The following GLI3 variants were observed in gnomAD, a reference collection of about 807,000 sequenced individuals.
GLI3 encodes transcription activator GLI3.
GLI3 carries 20 observed loss-of-function variants against 100.8 expected under a neutral mutation model. The observed-to-expected ratio is 0.20, with a 90% CI of 0.14 to 0.29. GLI3 has a LOEUF of 0.29. GLI3 is among the 10% of genes least tolerant of loss of function. The probability of loss-of-function intolerance (pLI) is 1.00; values close to 1 mark genes in which losing one functional copy is unlikely to be tolerated. For missense variants in GLI3, 2,040 were observed against 2,128.5 expected (o/e 0.96, Z 0.82); for synonymous variants, 938 against 860.5 (o/e 1.09, Z -1.58).
chr7:42,091,084 A>G (rs1785207798), intron 3 of GLI3, among the ~76,000 whole-genome samples: 1 of 152,192 alleles, frequency 6.6e-6, no homozygotes, highest in Non-Finnish European at 1.5e-5. Flanking sequence ...GCATGGTTTA[A>G]TGTTACGCGC....
Position 42,011,473 on chromosome 7 carries a change from G to A in GLI3, c.1497+11995C>T, listed in dbSNP as rs1012141816. The stretch of plus-strand genomic sequence containing the variant: ...ATGAACTTGTAAATGAATGTTCATA[G>A]TAACACAATAGCCAGAAAGTAGAAA... On this transcript the variant is annotated intron_variant, in intron 10 of 14. Coordinates refer to ENST00000395925, the MANE Select transcript of GLI3 (RefSeq NM_000168.6). 5.3e-5 allele frequency among the ~76,000 whole-genome samples: 8 copies of A among 152,316 alleles called. No homozygotes were observed. In the East Asian group the frequency reaches 1.5e-3, roughly 29 times the overall value.
intron 1 of GLI3, among the ~76,000 whole-genome samples, chr7:42,253,847 T>C (rs1458623931): frequency 6.6e-6 from 1 of 152,182 alleles, no homozygotes. Flanking sequence ...ACAGGTTTAA[T>C]TGTTGAGATC....
chr7:42,248,339 A>G (rs2128710009), intron 1 of GLI3, among the ~76,000 whole-genome samples: 1 of 152,248 alleles, frequency 6.6e-6, no homozygotes, highest in East Asian at 1.9e-4. Flanking sequence ...ATAAATCATA[A>G]ATATGGCCAC....
intron 1 of GLI3, among the ~76,000 whole-genome samples, chr7:42,251,844 A>G (rs1789036215): frequency 6.6e-6 from 1 of 152,082 alleles, no homozygotes; most frequent in Non-Finnish European, 1.5e-5. Flanking sequence ...ACACAGAGAA[A>G]ACAGCAGGAG....
chr7:42,251,104 A>C (rs1186599701), intron 1 of GLI3, among the ~76,000 whole-genome samples: 1 of 152,146 alleles, frequency 6.6e-6, no homozygotes, highest in Non-Finnish European at 1.5e-5. Flanking sequence ...AACAAAAGTG[A>C]CCATGCCCTT....
intron 8 of GLI3, among the ~76,000 whole-genome samples, chr7:42,025,827 C>T (rs1264155055): frequency 2.0e-5 from 3 of 152,220 alleles, no homozygotes; most frequent in African/African-American, 7.2e-5. Flanking sequence ...TAAAGTACCA[C>T]CTGGTGGTAA....
chr7:42,129,626 T>G (rs949455427), intron 3 of GLI3, among the ~76,000 whole-genome samples: 5 of 151,964 alleles, frequency 3.3e-5, no homozygotes, highest in Admixed American at 3.3e-4. Context: ...CTGGCCAAGA[T>G]GGTGAAACCC....
intron 3 of GLI3, among the ~76,000 whole-genome samples, chr7:42,084,296 T>C (rs1785056351): frequency 6.6e-6 from 1 of 152,252 alleles, no homozygotes; most frequent in Non-Finnish European, 1.5e-5. Flanking sequence ...CAAATGTTCC[T>C]CTGCAAGTGA....
At chr7:42,144,363 G>A (rs1309837948) in intron 3 of GLI3, among the ~76,000 whole-genome samples, 1 of 152,094 alleles carries the variant, frequency 6.6e-6, no homozygotes, top group African/African-American at 2.4e-5. Flanking sequence ...CTGAAAGCCT[G>A]TCAACACCAC....
intron 10 of GLI3, among the ~76,000 whole-genome samples, chr7:41,990,970 G>A (rs896243603): frequency 6.6e-6 from 1 of 151,974 alleles, no homozygotes; most frequent in East Asian, 1.9e-4. Flanking sequence ...AGAAAGGAAG[G>A]AGGCAGGCAA....
chr7:42,155,221 C>T (rs1382818737), intron 2 of GLI3, among the ~76,000 whole-genome samples: 1 of 151,982 alleles, frequency 6.6e-6, no homozygotes, highest in Non-Finnish European at 1.5e-5. Context: ...GGGCAGATAA[C>T]CCAAAGTCAG....
chr7:42,091,703 A>C (rs2108165), intron 3 of GLI3, among the ~76,000 whole-genome samples: 5,991 of 152,326 alleles, frequency 0.039, 365 homozygotes, highest in African/African-American at 0.14. Flanking sequence ...TTCCCAGGCC[A>C]GCCAGGACTA....
chr7:42,243,803 A>G (rs1398335509), intron 1 of GLI3, among the ~76,000 whole-genome samples: 1 of 152,068 alleles, frequency 6.6e-6, no homozygotes, highest in African/African-American at 2.4e-5. Flanking sequence ...CTCACCTGTG[A>G]AAGTGTGATT....
intron 2 of GLI3, among the ~76,000 whole-genome samples, chr7:42,210,715 T>C (rs1788256272): frequency 6.6e-6 from 1 of 152,198 alleles, no homozygotes; most frequent in Non-Finnish European, 1.5e-5. Flanking sequence ...ACAAGAGATT[T>C]GCAAATTATC....
chr7:42,112,167 C>A (rs1362065453), intron 3 of GLI3, among the ~76,000 whole-genome samples: 1 of 152,138 alleles, frequency 6.6e-6, no homozygotes, highest in Non-Finnish European at 1.5e-5. Context: ...TTTCTGGAAA[C>A]CAACGCTTTT....
intron 3 of GLI3, among the ~76,000 whole-genome samples, chr7:42,094,107 T>C (rs1785286684): frequency 6.6e-6 from 1 of 152,122 alleles, no homozygotes; most frequent in African/African-American, 2.4e-5. Context: ...TCACAGTATT[T>C]CCCTCAAGGT....
intron 2 of GLI3, among the ~76,000 whole-genome samples, chr7:42,167,636 G>A (rs1215502604): frequency 1.3e-5 from 2 of 152,258 alleles, no homozygotes; most frequent in Middle Eastern, 3.4e-3. Context: ...CGTAACTCTG[G>A]CAATTTCTTA....
At chr7:41,991,808 G>A (rs1787994550) in intron 10 of GLI3, among the ~76,000 whole-genome samples, 1 of 152,184 alleles carries the variant, frequency 6.6e-6, no homozygotes, top group African/African-American at 2.4e-5. Context: ...AGGAAAAAGT[G>A]AATTGAGGAA....
chr7:42,072,485 AACAC>A (rs1208233907), intron 4 of GLI3, among the ~76,000 whole-genome samples: 1 of 152,214 alleles, frequency 6.6e-6, no homozygotes, highest in East Asian at 1.9e-4. Flanking sequence ...AAAAACAAAA[AACAC>A]ACACTCAAAA....
Sources: gnomAD v4.1 joint callset for allele counts (sites outside exome capture counted in the v4.1 genomes callset) on GRCh38, gnomAD v4.1.1 for gene constraint, MANE v1.5 for transcripts, NCBI Gene and HGNC (gene_info 2026-07-23, HGNC 2026-07-21) for gene names.